Variants in ASIC2 observed in about 807,000 individuals in gnomAD.
The protein encoded by ASIC2 is acid sensing ion channel subunit 2.
A neutral mutation model predicts 57.3 loss-of-function variants in ASIC2; 25 were observed. The observed-to-expected ratio is 0.44, with a 90% CI of 0.32 to 0.61. The LOEUF is 0.61. ASIC2 is among the 20% of genes least tolerant of loss of function. ASIC2 has a pLI of 0.06. For missense variants in ASIC2, 641 were observed against 738.1 expected, an observed-to-expected ratio of 0.87 and a Z score of 1.52; for synonymous variants, 319 against 307.5, an observed-to-expected ratio of 1.04 and a Z score of -0.39.
At chr17:34,116,704 C>T (rs990541766) in intron 1 of ASIC2, among the ~76,000 whole-genome samples, 5 of 152,260 alleles carry the variant, frequency 3.3e-5, no homozygotes, top group African/African-American at 7.2e-5. Context: ...CACCCACAAG[C>T]TTGTGATTGT....
intron 1 of ASIC2, among the ~76,000 whole-genome samples, chr17:33,922,361 C>T (rs34775258): frequency 0.3 from 45,075 of 151,420 alleles, 8,070 homozygotes; most frequent in Admixed American, 0.39. Context: ...CTTATTTCTA[C>T]AAACCCAGAC....
chr17:33,763,447 G>T (rs1482386931), intron 1 of ASIC2, among the ~76,000 whole-genome samples: 2 of 152,170 alleles, frequency 1.3e-5, no homozygotes, highest in African/African-American at 2.4e-5. Flanking sequence ...AGCATCCTCT[G>T]GTTCCATAGC....
intron 3 of ASIC2, among the ~76,000 whole-genome samples, chr17:33,065,987 C>T (rs1417822964): frequency 4.6e-5 from 7 of 152,150 alleles, no homozygotes; most frequent in East Asian, 1.9e-4. Flanking sequence ...GATGTTAAGG[C>T]GACACATCAA....
At position 33,662,172 on chromosome 17, in the gene ASIC2, C is replaced by G. The variant is rs571833442; in HGVS notation, c.555+493806G>C. 2.6e-5 allele frequency among the ~76,000 whole-genome samples: 4 copies of G among 152,276 alleles called. No individual in the cohort carries two copies. In the South Asian group the frequency reaches 8.3e-4, roughly 32 times the overall value. On this transcript the variant is annotated intron_variant, in intron 1 of 9. Transcript: ENST00000359872. ...GTGAGAAAATTGAGGCTCAGAGAAG[C>G]TAAGCCACTTGCCTCAAGCCACACA...
At chr17:33,703,391 A>G (rs1383252505) in intron 1 of ASIC2, among the ~76,000 whole-genome samples, 3 of 151,520 alleles carry the variant, frequency 2.0e-5, no homozygotes, top group African/African-American at 7.3e-5. Context: ...TCTGTCACCC[A>G]GGACGGAGTG....
At chr17:33,577,285 C>T (rs1271818052) in intron 1 of ASIC2, among the ~76,000 whole-genome samples, 2 of 152,116 alleles carry the variant, frequency 1.3e-5, no homozygotes, top group Non-Finnish European at 2.9e-5. Flanking sequence ...TCTGTGGCCC[C>T]AGGTCTAAGT....
rs543813153 is a variant in ASIC2, at chr17:33,586,009, G to A, written c.556-473942C>T. Among the ~76,000 whole-genome samples the A allele has an allele frequency of 1.5e-3, 233 of 152,210 alleles. 1 individual carries two copies. The highest frequency in any genetic ancestry group is 5.5e-3 in the African/African-American group (227 of 41,540). On this transcript the variant is annotated intron_variant, in intron 1 of 9. Coordinates refer to the ASIC2 transcript ENST00000359872. ...TGGCGGAGTGGTCATGCATGCCTCCGCAATACCTTGTCTCAGTTGGTGTGC... is the reference window on the plus strand; with the variant it reads ...TGGCGGAGTGGTCATGCATGCCTCCACAATACCTTGTCTCAGTTGGTGTGC...
intron 1 of ASIC2, among the ~76,000 whole-genome samples, chr17:33,827,038 C>T (rs1409643412): frequency 6.6e-6 from 1 of 152,104 alleles, no homozygotes; most frequent in Non-Finnish European, 1.5e-5. Flanking sequence ...GTTTGTTGAA[C>T]AGATGAGGGT....
chr17:34,153,923 A>G (rs914538446), intron 1 of ASIC2, among the ~76,000 whole-genome samples: 1 of 152,232 alleles, frequency 6.6e-6, no homozygotes, highest in African/African-American at 2.4e-5. Context: ...CTGATCTTAA[A>G]GACCTCTTGG....
intron 1 of ASIC2, among the ~76,000 whole-genome samples, chr17:34,099,292 G>GAAGGAAGA (rs1910711685): frequency 7.1e-6 from 1 of 140,286 alleles, no homozygotes; most frequent in Non-Finnish European, 1.5e-5. Context: ...AGAAAGGAAG[G>GAAGGAAGA]AAGAAAGAAA....
chr17:33,262,076 T>A (rs906832749), intron 1 of ASIC2, among the ~76,000 whole-genome samples: 4 of 152,170 alleles, frequency 2.6e-5, no homozygotes, highest in African/African-American at 9.7e-5. Context: ...GAAGGGTGCT[T>A]CCTTTGAACA....
In ASIC2 at chr17:33,236,214, A is replaced by G. The variant is rs987633549; in HGVS notation, c.708+55194T>C. Among the ~76,000 whole-genome samples the G allele has an allele frequency of 6.6e-5, 10 of 152,282 alleles. 1 individual carries two copies. The highest frequency in any genetic ancestry group is 4.2e-4 in the South Asian group (2 of 4,810). On this transcript the variant is annotated intron_variant, in intron 1 of 9. Coordinates refer to ENST00000225823, the MANE Select transcript of ASIC2 (RefSeq NM_183377.2). ...TTAGTATGGGGTGAATGTATTTTGC[A>G]TGAAGGAAGGATGTGAAATTTTGGT...
At chr17:33,816,028 CTT>C (rs1456966082) in intron 1 of ASIC2, among the ~76,000 whole-genome samples, 1 of 152,152 alleles carries the variant, frequency 6.6e-6, no homozygotes, top group East Asian at 1.9e-4. Flanking sequence ...CATAGGGACA[CTT>C]TGTTATATAA....
At chr17:33,244,102 G>C (rs1346571108) in intron 1 of ASIC2, among the ~76,000 whole-genome samples, 1 of 152,196 alleles carries the variant, frequency 6.6e-6, no homozygotes, top group African/African-American at 2.4e-5. Context: ...AAACTGATAA[G>C]GTTTTCTATT....
intron 1 of ASIC2, among the ~76,000 whole-genome samples, chr17:33,112,416 T>C (rs1276622363): frequency 6.6e-6 from 1 of 152,168 alleles, no homozygotes; most frequent in Admixed American, 6.5e-5. Flanking sequence ...CCCTGGGCTC[T>C]CTTCTGGCCT....
intron 1 of ASIC2, among the ~76,000 whole-genome samples, chr17:33,714,550 C>T (rs901131258): frequency 2.0e-5 from 3 of 151,992 alleles, no homozygotes; most frequent in Non-Finnish European, 4.4e-5. Flanking sequence ...ACACACCAAA[C>T]AATACTATAT....
chr17:33,436,389 G>A (rs1157570089), intron 1 of ASIC2, among the ~76,000 whole-genome samples: 1 of 152,110 alleles, frequency 6.6e-6, no homozygotes, highest in Non-Finnish European at 1.5e-5. Flanking sequence ...TGTTTCTATA[G>A]ATAAGATCAC....
At chr17:33,483,375 T>A (rs16968444) in intron 1 of ASIC2, among the ~76,000 whole-genome samples, 57,880 of 152,108 alleles carry the variant, frequency 0.38, 11,148 homozygotes, top group African/African-American at 0.43. Context: ...TGGAATGCCA[T>A]CAACCTGAAG....
chr17:33,981,099 C>T (rs1220818469), intron 1 of ASIC2, among the ~76,000 whole-genome samples: 1 of 151,844 alleles, frequency 6.6e-6, no homozygotes, highest in East Asian at 1.9e-4. Flanking sequence ...TCTCGCCTGG[C>T]TAATTTTTTT....
Sources: gnomAD v4.1 joint callset for allele counts (sites outside exome capture counted in the v4.1 genomes callset) on GRCh38, gnomAD v4.1.1 for gene constraint, MANE v1.5 for transcripts, NCBI Gene and HGNC (gene_info 2026-07-23, HGNC 2026-07-21) for gene names.